Variants in SLC8A1 observed in about 807,000 individuals in gnomAD.
SLC8A1 encodes sodium/calcium exchanger 1.
Under a neutral mutation model 68.3 loss-of-function variants are expected in SLC8A1, and 18 were observed. That is an observed-to-expected ratio of 0.26 (90% CI 0.18 to 0.39). The LOEUF (loss-of-function observed/expected upper bound fraction) is 0.39. Among genes scored for constraint, SLC8A1 ranks in the 10% least tolerant of loss-of-function variants. The probability of loss-of-function intolerance (pLI) is 1.00; values close to 1 mark genes in which losing one functional copy is unlikely to be tolerated. For missense variants in SLC8A1, 985 were observed against 1,156.7 expected (o/e 0.85, Z 2.15); for synonymous variants, 475 against 415.5 (o/e 1.14, Z -1.74).
intron 2 of SLC8A1, among the ~76,000 whole-genome samples, chr2:40,191,967 A>C (rs1316761541): frequency 6.6e-6 from 1 of 152,142 alleles, no homozygotes; most frequent in African/African-American, 2.4e-5. Context: ...CGGGATCTAG[A>C]TTTGCATTTG....
At chr2:40,394,224 T>C (rs2149613760) in intron 2 of SLC8A1, among the ~76,000 whole-genome samples, 1 of 152,178 alleles carries the variant, frequency 6.6e-6, no homozygotes. Context: ...GAACTATGTG[T>C]CCAACACGGT....
At chr2:40,463,825 TACACACACACACATACACACAC>T (rs1703479190) in intron 1 of SLC8A1, among the ~76,000 whole-genome samples, 2 of 108,350 alleles carry the variant, frequency 1.8e-5, no homozygotes, top group East Asian at 3.3e-4. Context: ...GATATATACA[TACACACACACACATACACACAC>T]ACACACACAC....
At chr2:40,261,904 T>A (rs1029694278) in intron 2 of SLC8A1, among the ~76,000 whole-genome samples, 1 of 152,194 alleles carries the variant, frequency 6.6e-6, no homozygotes, top group Non-Finnish European at 1.5e-5. Context: ...CTTTGTGTAG[T>A]ACCTGTGTAA....
At chr2:40,431,191 T>C (rs1274485595) in intron 1 of SLC8A1, among the ~76,000 whole-genome samples, 1 of 151,934 alleles carries the variant, frequency 6.6e-6, no homozygotes, top group South Asian at 2.1e-4. Context: ...CAAGGCCTAG[T>C]TGTGGGTAAG....
At chr2:40,158,189 T>C (rs1334622037) in intron 6 of SLC8A1, among the ~76,000 whole-genome samples, 2 of 152,220 alleles carry the variant, frequency 1.3e-5, no homozygotes, top group African/African-American at 4.8e-5. Flanking sequence ...CTCAACTATT[T>C]AGCCATGAAA....
intron 2 of SLC8A1, among the ~76,000 whole-genome samples, chr2:40,342,072 T>G (rs1232614112): frequency 6.6e-6 from 1 of 152,156 alleles, no homozygotes; most frequent in African/African-American, 2.4e-5. Flanking sequence ...TTTGATTCAC[T>G]TTATTACTGA....
chr2:40,121,183 T>A (rs961160075), intron 7 of SLC8A1, among the ~76,000 whole-genome samples: 8 of 152,140 alleles, frequency 5.3e-5, no homozygotes, highest in Non-Finnish European at 1.2e-4. Flanking sequence ...CCCTGCTAGA[T>A]CCACTTAATC....
chr2:40,324,651 C>T (rs2149351936), intron 2 of SLC8A1, among the ~76,000 whole-genome samples: 2 of 152,114 alleles, frequency 1.3e-5, no homozygotes, highest in Admixed American at 1.3e-4. Context: ...TAGTTTCTCT[C>T]CCTCTCTCCC....
At chr2:40,484,057 T>A (rs549144277) in intron 1 of SLC8A1, among the ~76,000 whole-genome samples, 1 of 152,326 alleles carries the variant, frequency 6.6e-6, no homozygotes, top group South Asian at 2.1e-4. Context: ...AAGGTTCCAA[T>A]GCATAGAGAG....
At chr2:40,139,175 G>C (rs1443703810) in intron 7 of SLC8A1, among the ~76,000 whole-genome samples, 1 of 152,120 alleles carries the variant, frequency 6.6e-6, no homozygotes, top group Non-Finnish European at 1.5e-5. Flanking sequence ...AGACCCTCTG[G>C]GGATCTGGGA....
chr2:40,225,735 G>A (rs2058893043), intron 2 of SLC8A1, among the ~76,000 whole-genome samples: 1 of 152,166 alleles, frequency 6.6e-6, no homozygotes, highest in Admixed American at 6.5e-5. Context: ...GATGGAGACA[G>A]ATGGGGAGGT....
intron 1 of SLC8A1, among the ~76,000 whole-genome samples, chr2:40,495,046 G>A (rs919792131): frequency 2.0e-5 from 3 of 151,882 alleles, no homozygotes; most frequent in Admixed American, 1.3e-4. Context: ...AAATCATACT[G>A]CTGGGAGGTG....
At chr2:40,325,547 GTTATA>G (rs1011120903) in intron 2 of SLC8A1, among the ~76,000 whole-genome samples, 4 of 151,984 alleles carry the variant, frequency 2.6e-5, no homozygotes, top group Non-Finnish European at 4.4e-5. Flanking sequence ...TATATTACAT[GTTATA>G]TTATAATACC....
At chr2:40,304,650 C>T (rs1247764544) in intron 2 of SLC8A1, among the ~76,000 whole-genome samples, 2 of 152,126 alleles carry the variant, frequency 1.3e-5, no homozygotes, top group Non-Finnish European at 1.5e-5. Context: ...CCTAGAGTCT[C>T]GTCGTGCCCC....
At chr2:40,507,681 A>G (rs1706456107) in intron 1 of SLC8A1, among the ~76,000 whole-genome samples, 1 of 152,076 alleles carries the variant, frequency 6.6e-6, no homozygotes, top group African/African-American at 2.4e-5. Flanking sequence ...TCTTAGGCAT[A>G]TTATTTAACT....
chr2:40,153,687 G>A (rs1211880296), intron 6 of SLC8A1, among the ~76,000 whole-genome samples: 1 of 152,122 alleles, frequency 6.6e-6, no homozygotes, highest in Non-Finnish European at 1.5e-5. Context: ...TGGAGAAAAG[G>A]CTGGGCATTG....
chr2:40,284,759 A>G (rs945665069), intron 2 of SLC8A1, among the ~76,000 whole-genome samples: 8 of 151,804 alleles, frequency 5.3e-5, no homozygotes, highest in African/African-American at 1.9e-4. Flanking sequence ...TTTCCCATGA[A>G]GTTTGTCTTA....
intron 2 of SLC8A1, among the ~76,000 whole-genome samples, chr2:40,249,720 A>G (rs1017990228): frequency 4.6e-5 from 7 of 152,214 alleles, no homozygotes; most frequent in African/African-American, 1.7e-4. Context: ...TGCAGGTAGT[A>G]AAAATTGCCA....
intron 2 of SLC8A1, among the ~76,000 whole-genome samples, chr2:40,289,396 A>G (rs1160156413): frequency 6.6e-6 from 1 of 152,156 alleles, no homozygotes; most frequent in Non-Finnish European, 1.5e-5. Flanking sequence ...GGGAGTTGTG[A>G]GAGAAACGAA....
Sources: allele counts gnomAD v4.1 joint callset (sites outside exome capture counted in the v4.1 genomes callset), GRCh38; gene constraint gnomAD v4.1.1; transcripts MANE v1.5; gene names NCBI Gene and HGNC (gene_info 2026-07-23, HGNC 2026-07-21).